Variants in PCED1B observed in about 807,000 individuals in gnomAD.
The protein encoded by PCED1B is PC-esterase domain-containing protein 1B.
For missense variants in PCED1B, 573 were observed against 573.9 expected (o/e 1.00, Z 0.02); for synonymous variants, 251 against 246.1 (o/e 1.02, Z -0.19).
intron 2 of PCED1B, among the ~76,000 whole-genome samples, chr12:47,184,023 A>G (rs1252296326): frequency 6.6e-6 from 1 of 152,164 alleles, no homozygotes; most frequent in African/African-American, 2.4e-5. Flanking sequence ...AATAGAGAGA[A>G]TATTTTTCTT....
intron 2 of PCED1B, among the ~76,000 whole-genome samples, chr12:47,216,004 G>A (rs1040322197): frequency 6.6e-6 from 1 of 151,976 alleles, no homozygotes; most frequent in African/African-American, 2.4e-5. Context: ...AATGAGCCGA[G>A]ACCATGCCAC....
At chr12:47,132,153 A>G (rs150904970) in intron 2 of PCED1B, among the ~76,000 whole-genome samples, 65 of 152,304 alleles carry the variant, frequency 4.3e-4, no homozygotes, top group Non-Finnish European at 8.2e-4. Flanking sequence ...AGTCATGTTA[A>G]TACATAGTAA....
intron 2 of PCED1B, among the ~76,000 whole-genome samples, chr12:47,182,491 T>G (rs1468742810): frequency 6.6e-6 from 1 of 151,552 alleles, no homozygotes; most frequent in Non-Finnish European, 1.5e-5. Flanking sequence ...CTCAGGAGGC[T>G]GAGGCATGAG....
At chr12:47,191,487 C>T (rs181995113) in intron 2 of PCED1B, among the ~76,000 whole-genome samples, 1 of 152,316 alleles carries the variant, frequency 6.6e-6, no homozygotes, top group African/African-American at 2.4e-5. Context: ...CCCAGGCAAA[C>T]GTTCACATGT....
At chr12:47,160,670 A>T (rs1941349432) in intron 2 of PCED1B, among the ~76,000 whole-genome samples, 2 of 151,920 alleles carry the variant, frequency 1.3e-5, no homozygotes, top group Non-Finnish European at 2.9e-5. Context: ...TTTTGATGCT[A>T]TTTTCATATT....
chr12:47,098,819 G>C (rs748957018), intron 1 of PCED1B, among the ~76,000 whole-genome samples: 1 of 152,150 alleles, frequency 6.6e-6, no homozygotes, highest in Non-Finnish European at 1.5e-5. Flanking sequence ...TCAAAAGAGA[G>C]AGTCAAAAAA....
intron 2 of PCED1B, among the ~76,000 whole-genome samples, chr12:47,176,083 C>T (rs974347105): frequency 6.6e-6 from 1 of 151,678 alleles, no homozygotes; most frequent in Non-Finnish European, 1.5e-5. Flanking sequence ...TATTATTGCT[C>T]AATATTTTCC....
chr12:47,080,290 G>A (rs1458632194), intron 1 of PCED1B, among the ~76,000 whole-genome samples: 1 of 152,144 alleles, frequency 6.6e-6, no homozygotes, highest in Non-Finnish European at 1.5e-5. Flanking sequence ...CACCGAGGGA[G>A]GGGTCTCACC....
chr12:47,218,577 G>A (rs1219964187), intron 3 of PCED1B, among the ~76,000 whole-genome samples: 1 of 152,258 alleles, frequency 6.6e-6, no homozygotes, highest in Non-Finnish European at 1.5e-5. Flanking sequence ...ACAAACTCCT[G>A]GGTGCAAGGT....
intron 1 of PCED1B, among the ~76,000 whole-genome samples, chr12:47,081,900 A>G (rs898862094): frequency 6.6e-6 from 1 of 152,246 alleles, no homozygotes; most frequent in African/African-American, 2.4e-5. Context: ...AACTACAGGC[A>G]TATTGTAGAA....
chr12:47,150,577 CAA>C (rs112820226), intron 2 of PCED1B, among the ~76,000 whole-genome samples: 26 of 133,394 alleles, frequency 1.9e-4, no homozygotes, highest in Admixed American at 3.0e-4. Flanking sequence ...GACTCCATCT[CAA>C]AAAAAAAAAA....
At chr12:47,207,417 G>T (rs1408301235) in intron 2 of PCED1B, among the ~76,000 whole-genome samples, 1 of 152,032 alleles carries the variant, frequency 6.6e-6, no homozygotes, top group African/African-American at 2.4e-5. Flanking sequence ...GCTGTGTGAG[G>T]CCCAGGGGCA....
At chr12:47,158,813 A>G (rs1218051663) in intron 2 of PCED1B, among the ~76,000 whole-genome samples, 6 of 152,202 alleles carry the variant, frequency 3.9e-5, no homozygotes, top group Non-Finnish European at 8.8e-5. Context: ...AATATGCAAT[A>G]CATTGTTATT....
chr12:47,155,600 A>G (rs1941167106), intron 2 of PCED1B, among the ~76,000 whole-genome samples: 1 of 152,174 alleles, frequency 6.6e-6, no homozygotes, highest in Non-Finnish European at 1.5e-5. Context: ...CCTTTCAACT[A>G]CATTGCAAGG....
rs1938375516 is a variant in PCED1B at position 47,094,089 on chromosome 12, G to A, written c.-608-10024G>A. 8.6e-5 allele frequency among the ~76,000 whole-genome samples: 13 copies of A among 151,816 alleles called. No homozygotes were observed. The South Asian group carries it at 2.7e-3, about 32-fold the overall frequency. On this transcript the variant is annotated intron_variant, in intron 1 of 3. Transcript: ENST00000546455. Reference sequence around the variant, plus strand: ...TTTTCTCATTGTTCTGTCCATTTTTGTTTAGTTTATTTTGAAGCTATATTA... The same window carrying A: ...TTTTCTCATTGTTCTGTCCATTTTTATTTAGTTTATTTTGAAGCTATATTA...
At chr12:47,153,849 T>A (rs1200181590) in intron 2 of PCED1B, among the ~76,000 whole-genome samples, 1 of 152,216 alleles carries the variant, frequency 6.6e-6, no homozygotes, top group Non-Finnish European at 1.5e-5. Flanking sequence ...TTCATTCAAG[T>A]TTGTTTCCAT....
intron 2 of PCED1B, among the ~76,000 whole-genome samples, chr12:47,144,841 C>T (rs753028425): frequency 6.6e-6 from 1 of 152,188 alleles, no homozygotes; most frequent in Non-Finnish European, 1.5e-5. Context: ...ATCCCTTGGG[C>T]CTTCCTATTC....
At chr12:47,149,909 T>C (rs1940928488) in intron 2 of PCED1B, among the ~76,000 whole-genome samples, 1 of 152,216 alleles carries the variant, frequency 6.6e-6, no homozygotes, top group South Asian at 2.1e-4. Flanking sequence ...TTGACACTTA[T>C]TATCAACAGC....
In PCED1B at chr12:47,159,979, A is replaced by G. The variant is rs148720060; in HGVS notation, c.-526+55784A>G. ...ATAGATATCAAATTTTTCTAGCACCATTTATTGAAGACAATGTCCTTTCCT... is the reference window on the plus strand; with the variant it reads ...ATAGATATCAAATTTTTCTAGCACCGTTTATTGAAGACAATGTCCTTTCCT... On this transcript the variant is annotated intron_variant, in intron 2 of 3. Transcript: ENST00000546455. Among the ~76,000 whole-genome samples, 92 of 152,206 alleles carry G rather than the reference A, an allele frequency of 6.0e-4. 2 individuals are homozygous for G. The East Asian group carries it at 0.013, about 21-fold the overall frequency.
Sources: gnomAD v4.1 joint callset for allele counts (sites outside exome capture counted in the v4.1 genomes callset) on GRCh38, gnomAD v4.1.1 for gene constraint, MANE v1.5 for transcripts, NCBI Gene and HGNC (gene_info 2026-07-23, HGNC 2026-07-21) for gene names.